FAM135B: variants seen among roughly 807,000 people sequenced by gnomAD.
The protein encoded by FAM135B is protein FAM135B.
A neutral mutation model predicts 127.7 loss-of-function variants in FAM135B; 43 were observed. The observed-to-expected ratio is 0.34, with a 90% CI of 0.26 to 0.43. The LOEUF (loss-of-function observed/expected upper bound fraction) is 0.43, where lower values mean the gene tolerates loss of function less well. Among genes scored for constraint, FAM135B ranks in the 20% least tolerant of loss-of-function variants. The probability of loss-of-function intolerance (pLI) is 1.00; values close to 1 mark genes in which losing one functional copy is unlikely to be tolerated. For synonymous variants in FAM135B, 670 were observed against 665.1 expected (o/e 1.01, Z -0.11); for missense variants, 1,558 against 1,725.6 (o/e 0.90, Z 1.72).
chr8:138,385,877 T>C (rs1187563491), intron 1 of FAM135B, among the ~76,000 whole-genome samples: 1 of 151,966 alleles, frequency 6.6e-6, no homozygotes, highest in Non-Finnish European at 1.5e-5. Flanking sequence ...GCCAGACTTT[T>C]AGAACAAATA....
intron 4 of FAM135B, among the ~76,000 whole-genome samples, chr8:138,263,356 A>C (rs7819459): frequency 1.2e-4 from 19 of 152,126 alleles, no homozygotes; most frequent in African/African-American, 3.4e-4. Context: ...AACAGTCTGG[A>C]CCCATTCTCC....
intron 3 of FAM135B, among the ~76,000 whole-genome samples, chr8:138,275,796 C>A (rs1189167261): frequency 6.6e-6 from 1 of 152,094 alleles, no homozygotes; most frequent in Non-Finnish European, 1.5e-5. Context: ...GTTAATTGGC[C>A]CTAAATGATG....
At chr8:138,406,348 C>T (rs1227069142) in intron 1 of FAM135B, among the ~76,000 whole-genome samples, 2 of 152,142 alleles carry the variant, frequency 1.3e-5, no homozygotes, top group Non-Finnish European at 2.9e-5. Context: ...GAACTGGTAC[C>T]ATTCCTTCTG....
chr8:138,242,145 A>G lies in FAM135B; in HGVS notation c.669+797T>C, dbSNP rs1023552810. 6.8e-6 allele frequency among the ~76,000 whole-genome samples: 1 copy of G among 146,524 alleles called. No individual in the cohort carries two copies. The highest frequency in any genetic ancestry group is 2.6e-5 in the African/African-American group (1 of 39,164). On this transcript the variant is annotated intron_variant, in intron 7 of 19. Transcript: ENST00000395297. The surrounding 1 kb of genome is among the most constrained non-coding windows in gnomAD (Gnocchi z 9.6). ...TCAGCCTTCAAAATCATGTGAGTCA[A>G]TTACTTATGATAAATCTCTTTGTGT... is the stretch of plus-strand genomic sequence containing the variant.
In FAM135B at chr8:138,139,060, G is replaced by C. The variant is rs2130566078; in HGVS notation, c.3827C>G (p.Ser1276Cys). Residue 1276 changes from serine to cysteine, a missense_variant, in exon 18 of 20, where the codon TCT (serine) becomes TGT (cysteine). Coordinates refer to ENST00000395297, the MANE Select transcript of FAM135B (RefSeq NM_015912.4). ...WLMQKLKKSGSLLQLTFRDNA... is the reference protein window; with the variant it reads ...WLMQKLKKSGCLLQLTFRDNA... ...ATCCCTGAAGGTCAGCTGCAGTAGA[G>C]ACCCGGATTTCTTCAGTTTCTGCAT... 6.2e-7 allele frequency: 1 copy of C among 1,613,662 alleles called. No individual in the cohort carries two copies. The highest frequency in any genetic ancestry group is 8.5e-7 in the Non-Finnish European group (1 of 1,179,640).
In FAM135B at chr8:138,339,358, A is replaced by AATATAT. The variant is rs143774221; in HGVS notation, c.78-28444_78-28439dup. On this transcript the variant is annotated intron_variant, in intron 2 of 19. Transcript: ENST00000395297. ...TGCATCCTGTTTAAAAAACTAACTA[A>AATATAT]ATATATATATATATATATATATATA... 3.0e-3 allele frequency among the ~76,000 whole-genome samples: 445 copies of AATATAT among 147,724 alleles called. 5 individuals carry two copies. Among genetic ancestry groups the AATATAT allele is most frequent in the African/African-American group, 0.011 (422 of 39,102 alleles).
intron 3 of FAM135B, among the ~76,000 whole-genome samples, chr8:138,280,200 G>A (rs530446507): frequency 5.3e-5 from 8 of 152,246 alleles, no homozygotes; most frequent in East Asian, 3.9e-4. Flanking sequence ...GGGCTCTCTT[G>A]ACTCCTTGTG....
At chr8:138,278,675 A>G (rs1036717997) in intron 3 of FAM135B, among the ~76,000 whole-genome samples, 1 of 143,944 alleles carries the variant, frequency 6.9e-6, no homozygotes, top group African/African-American at 2.6e-5. Flanking sequence ...CGATTTTCCT[A>G]CCTCAGCCTC....
intron 12 of FAM135B, among the ~76,000 whole-genome samples, chr8:138,165,001 C>T (rs1563716270): frequency 6.6e-6 from 1 of 151,992 alleles, no homozygotes; most frequent in Non-Finnish European, 1.5e-5. Flanking sequence ...AGGGCACTGA[C>T]GTGAGAGGTG....
intron 2 of FAM135B, among the ~76,000 whole-genome samples, chr8:138,359,039 A>T (rs1489983538): frequency 6.6e-6 from 1 of 152,276 alleles, no homozygotes; most frequent in East Asian, 1.9e-4. Context: ...TGAGAAAAAA[A>T]AATAGGACAG....
chr8:138,251,183 A>C (rs1206628878), intron 5 of FAM135B, among the ~76,000 whole-genome samples, 169 bp from the exon 6 acceptor site: 2 of 152,206 alleles, frequency 1.3e-5, no homozygotes, highest in Non-Finnish European at 2.9e-5. Context: ...CCATTGGCAG[A>C]TGAGAAAACC....
chr8:138,259,836 G>A (rs1390460682), intron 4 of FAM135B, among the ~76,000 whole-genome samples: 2 of 152,170 alleles, frequency 1.3e-5, no homozygotes, highest in South Asian at 2.1e-4. Flanking sequence ...CTGCCATACA[G>A]CACATACCTT....
chr8:138,379,327 T>C (rs1215098104), intron 1 of FAM135B, among the ~76,000 whole-genome samples: 1 of 152,074 alleles, frequency 6.6e-6, no homozygotes, highest in Non-Finnish European at 1.5e-5. Context: ...ACTATAGTAA[T>C]ATCTATCTAC....
At chr8:138,431,352 G>A (rs1277827259) in intron 1 of FAM135B, among the ~76,000 whole-genome samples, 1 of 152,138 alleles carries the variant, frequency 6.6e-6, no homozygotes, top group East Asian at 1.9e-4. Flanking sequence ...TTAATTAAAT[G>A]AATCAGGTTA....
chr8:138,354,906 A>AAC (rs989709122), intron 2 of FAM135B, among the ~76,000 whole-genome samples: 1 of 152,144 alleles, frequency 6.6e-6, no homozygotes, highest in Non-Finnish European at 1.5e-5. Flanking sequence ...ACATGTGCAC[A>AAC]ACATGCAGGT....
intron 3 of FAM135B, among the ~76,000 whole-genome samples, chr8:138,277,443 G>A (rs1586947729): frequency 6.6e-6 from 1 of 152,176 alleles, no homozygotes; most frequent in East Asian, 1.9e-4. Context: ...GGGTCACCTT[G>A]ACTCAGACTT....
intron 3 of FAM135B, among the ~76,000 whole-genome samples, chr8:138,310,616 T>C (rs1587045823): frequency 6.6e-6 from 1 of 152,198 alleles, no homozygotes; most frequent in Non-Finnish European, 1.5e-5. Flanking sequence ...ATACTGGCTG[T>C]TCCTGGGAAA....
intron 1 of FAM135B, among the ~76,000 whole-genome samples, chr8:138,378,349 C>T (rs1831618053): frequency 6.6e-6 from 1 of 152,216 alleles, no homozygotes; most frequent in African/African-American, 2.4e-5. Flanking sequence ...AGAGGCCAAC[C>T]CCTCAGCAGC....
At chr8:138,263,049 G>A (rs1040507695) in intron 4 of FAM135B, among the ~76,000 whole-genome samples, 10 of 151,958 alleles carry the variant, frequency 6.6e-5, no homozygotes, top group East Asian at 1.9e-4. Flanking sequence ...GTGTGTCTCC[G>A]TGACTGGAGC....
Sources: allele counts gnomAD v4.1 joint callset (sites outside exome capture counted in the v4.1 genomes callset), GRCh38; gene constraint gnomAD v4.1.1; non-coding constraint Gnocchi (gnomAD v3.1); transcripts MANE v1.5; gene names NCBI Gene and HGNC (gene_info 2026-07-23, HGNC 2026-07-21).